LETMD1: variants seen among roughly 807,000 people sequenced by gnomAD.
LETMD1 encodes the protein LETM1 domain-containing protein 1.
A neutral mutation model predicts 43.9 loss-of-function variants in LETMD1; 30 were observed. The ratio of observed to expected loss-of-function variants is 0.68; its 90% CI spans 0.51 to 0.93. LETMD1 has a LOEUF of 0.93. Ranked by LOEUF, LETMD1 falls within the 40% of genes least tolerant of loss-of-function variation. The pLI is 0.00. For synonymous variants in LETMD1, 176 were observed against 163.1 expected, an observed-to-expected ratio of 1.08 and a Z score of -0.60; for missense variants, 413 against 447.7, an observed-to-expected ratio of 0.92 and a Z score of 0.70.
chr12:51,061,951 C>T (rs1006635622), downstream of LETMD1: 6 of 152,052 alleles, frequency 3.9e-5, no homozygotes, highest in Admixed American at 3.9e-4. Context: ...TGGGTAGCTT[C>T]GAGAGCTCAG....
chr12:51,066,044 G>T, the LETMD1 span, among the ~76,000 whole-genome samples: 2 of 152,140 alleles, frequency 1.3e-5, no homozygotes, highest in Non-Finnish European at 2.9e-5. Context: ...AAGGGGCCAG[G>T]CACGGTGGCT....
At chr12:51,056,911 G>A (rs548674985) in intron 7 of LETMD1, 10 of 171,098 alleles carry the variant, frequency 5.8e-5, no homozygotes, top group South Asian at 5.3e-4. Flanking sequence ...CCAAAGTGCC[G>A]AGACTACAGG....
Position 51,050,370 on chromosome 12 carries a change from C to T in LETMD1, c.274+1185C>T, listed in dbSNP as rs146675694. On this transcript the variant is annotated intron_variant, in intron 2 of 8. Coordinates refer to ENST00000262055, the MANE Select transcript of LETMD1 (RefSeq NM_015416.5). ...CCCAAGTAGCTGGGAATACAGGCGC[C>T]TGCCACCACACCAGGCTAATTTTTT... Among the ~76,000 whole-genome samples the T allele has an allele frequency of 2.9e-3, 435 of 151,896 alleles. 7 individuals are homozygous for T. The highest frequency in any genetic ancestry group is 0.021 in the Admixed American group (321 of 15,244).
At position 51,058,095 on chromosome 12, in the gene LETMD1, G is replaced by A; in HGVS notation, c.979G>A (p.Gly327Arg). 1.9e-6 allele frequency: 3 copies of A among 1,613,294 alleles called. No individual in the cohort carries two copies. The highest frequency in any genetic ancestry group is 2.5e-6 in the Non-Finnish European group (3 of 1,179,254). The change falls in exon 8 of 9, where the codon GGA becomes AGA. Residue 327 changes from glycine to arginine, a missense_variant. Physicochemically the swap from Gly to Arg is moderately radical, Grantham distance 125. Transcript: ENST00000262055. ...TGAAGATAGGTGTCGAACTTGGCTG[G>A]GAGAATGGCTGCAGATTTCCTGCAG... ...IGEDRCRTWLGEWLQISCSLK... is the reference protein window; with the variant it reads ...IGEDRCRTWLREWLQISCSLK...
In LETMD1 at chr12:51,056,253, C is replaced by CT; in HGVS notation, c.762+11dup. ...CTCCAGGCTTTGCACGTGGTGAGCA[C>CT]TTTGAGGGCTTCTCTTTTCCATAGC... is the stretch of plus-strand genomic sequence containing the variant. On this transcript the variant is annotated intron_variant, in intron 6 of 8. Transcript: ENST00000262055. 1.2e-6 allele frequency: 2 copies of CT among 1,614,054 alleles called. No homozygotes were observed. Among genetic ancestry groups the CT allele is most frequent in the South Asian group, 2.2e-5 (2 of 91,086 alleles).
At chr12:51,067,111 G>A in the LETMD1 span, among the ~76,000 whole-genome samples, 1 of 151,888 alleles carries the variant, frequency 6.6e-6, no homozygotes, top group Non-Finnish European at 1.5e-5. The surrounding 1 kb of genome is among the most constrained non-coding windows in gnomAD (Gnocchi z 4.1). Flanking sequence ...GATTACAGAT[G>A]TGAGCCACCA....
the LETMD1 span, among the ~76,000 whole-genome samples, chr12:51,066,092 G>C: frequency 1.3e-5 from 2 of 152,118 alleles, no homozygotes; most frequent in African/African-American, 4.8e-5. Flanking sequence ...GGCTGAGGCA[G>C]GCAGATCACC....
downstream of LETMD1, chr12:51,062,704 A>G (rs1937696944): frequency 6.6e-6 from 1 of 152,228 alleles, no homozygotes; most frequent in Admixed American, 6.5e-5. Flanking sequence ...GAAAACGACC[A>G]TGAGGGTAGA....
chr12:51,052,583 C>T (rs1305284176), intron 3 of LETMD1, among the ~76,000 whole-genome samples: 3 of 152,102 alleles, frequency 2.0e-5, no homozygotes, highest in African/African-American at 7.2e-5. Context: ...GAATTCGAGA[C>T]CAGCCTGGCC....
At chr12:51,052,802 G>A (rs923138595) in intron 3 of LETMD1, among the ~76,000 whole-genome samples, 4 of 150,936 alleles carry the variant, frequency 2.7e-5, no homozygotes, top group African/African-American at 9.8e-5. Flanking sequence ...ATAATAAAAT[G>A]AAAATAGAAG....
chr12:51,066,556 A>C, the LETMD1 span, among the ~76,000 whole-genome samples: 1 of 151,014 alleles, frequency 6.6e-6, no homozygotes. Context: ...CGGGAGAATC[A>C]CTTGAACCCA....
chr12:51,068,019 C>T, the LETMD1 span: 2 of 1,550,104 alleles, frequency 1.3e-6, no homozygotes, highest in East Asian at 2.2e-5. Flanking sequence ...CGGCATGCAC[C>T]TCCTCAGTGA....
chr12:51,064,193 G>A (rs374994476), downstream of LETMD1: 328 of 1,614,170 alleles, frequency 2.0e-4, 8 homozygotes, highest in South Asian at 2.8e-3. Flanking sequence ...CTGAGTTCTC[G>A]GTAAAACACA....
At position 51,056,392 on chromosome 12, in the gene LETMD1, C is replaced by T. The variant is rs757652803; in HGVS notation, c.805C>T (p.Pro269Ser). 1 of 1,614,246 alleles carries T rather than the reference C, an allele frequency of 6.2e-7. No individual in the cohort carries two copies. The highest frequency in any genetic ancestry group is 1.1e-5 in the South Asian group (1 of 91,086). The stretch of plus-strand genomic sequence containing the variant: ...CATGCTTCTCACATCTTACCTGCCT[C>T]CTCCCTTGTTGAGACATCGTTTGAA... ...RAMLLTSYLP[P>S]PLLRHRLKTH... is the part of the protein sequence containing the mutation. Residue 269 changes from proline to serine, a missense_variant, in exon 7 of 9, where the codon CCT (proline) becomes TCT (serine). Physicochemically the swap from Pro to Ser is moderately conservative, Grantham distance 74 (BLOSUM62 -1). Transcript: ENST00000262055.
At chr12:51,063,695 A>C (rs1430641568), downstream of LETMD1, 23 of 1,384,998 alleles carry the variant, frequency 1.7e-5, no homozygotes, top group East Asian at 4.9e-4. Context: ...GTGTTAGATA[A>C]AATAAGGGAA....
At chr12:51,056,692 T>TACAG in intron 7 of LETMD1, 190 bp downstream of exon 7, 1 of 483,074 alleles carries the variant, frequency 2.1e-6, no homozygotes, top group Non-Finnish European at 3.5e-6. Context: ...TCTCATTCTG[T>TACAG]TGCCCAGGCT....
chr12:51,062,593 G>A (rs1937684710), downstream of LETMD1: 1 of 152,136 alleles, frequency 6.6e-6, no homozygotes, highest in Non-Finnish European at 1.5e-5. Context: ...AACTGGTTTG[G>A]CTTCCAATTT....
At chr12:51,052,279 TTC>T (rs1396207196) in intron 3 of LETMD1, 72 bp downstream of exon 3, 1 of 1,567,260 alleles carries the variant, frequency 6.4e-7, no homozygotes, top group Non-Finnish European at 8.7e-7. Flanking sequence ...TCAAGGTTTT[TTC>T]TTTCATTTGT....
In LETMD1 at chr12:51,049,158, T is replaced by TG; in HGVS notation, c.247_248insG (p.Tyr83Ter). 1 of 1,613,846 alleles carries TG rather than the reference T, an allele frequency of 6.2e-7. No individual in the cohort carries two copies. Among genetic ancestry groups the TG allele is most frequent in the East Asian group, 2.2e-5 (1 of 44,868 alleles). Residue 83 changes from tyrosine to a stop codon, truncating the protein, a stop_gained and frameshift_variant, in exon 2 of 9, where the codon TAT becomes TGAT. Transcript: ENST00000262055. LOFTEE classifies it high-confidence loss of function. ...RFLGRHFPRF[Y>*]VLYTIFMKGL... ...CTTGGGTCGTCATTTCCCCCGCTTC[T>TG]ATGTCCTGTACACAATCTTCATGAA...
Sources: allele counts gnomAD v4.1 joint callset (sites outside exome capture counted in the v4.1 genomes callset), GRCh38; gene constraint gnomAD v4.1.1; non-coding constraint Gnocchi (gnomAD v3.1); transcripts MANE v1.5; gene names NCBI Gene and HGNC (gene_info 2026-07-23, HGNC 2026-07-21).